PTPRM: variants seen among roughly 807,000 people sequenced by gnomAD.
PTPRM encodes protein tyrosine phosphatase receptor type M, also known as receptor-type tyrosine-protein phosphatase mu.
PTPRM carries 47 observed loss-of-function variants against 186.7 expected under a neutral mutation model. The observed-to-expected ratio is 0.25, with a 90% CI of 0.20 to 0.32. PTPRM has a LOEUF of 0.32. PTPRM is among the 10% of genes least tolerant of loss of function. PTPRM has a pLI of 1.00. For synonymous variants in PTPRM, 668 were observed against 674.9 expected, an observed-to-expected ratio of 0.99 and a Z score of 0.16; for missense variants, 1,494 against 1,865.0, an observed-to-expected ratio of 0.80 and a Z score of 3.66.
intron 1 of PTPRM, among the ~76,000 whole-genome samples, chr18:7,620,303 G>A (rs1468895372): frequency 1.3e-5 from 2 of 151,760 alleles, no homozygotes; most frequent in Non-Finnish European, 2.9e-5. Flanking sequence ...GCTTCTACCC[G>A]CTAAGTCTGT....
At chr18:7,738,917 G>A (rs1168097174) in intron 1 of PTPRM, among the ~76,000 whole-genome samples, 1 of 152,158 alleles carries the variant, frequency 6.6e-6, no homozygotes, top group Non-Finnish European at 1.5e-5. Context: ...TCAGAAAGCT[G>A]TAATGGATCA....
At chr18:8,105,081 G>A (rs992490227) in intron 11 of PTPRM, among the ~76,000 whole-genome samples, 1 of 152,132 alleles carries the variant, frequency 6.6e-6, no homozygotes, top group African/African-American at 2.4e-5. Flanking sequence ...AATTGTTTAG[G>A]GAAAGCAACT....
intron 1 of PTPRM, among the ~76,000 whole-genome samples, chr18:7,634,953 A>G (rs992437863): frequency 6.6e-6 from 1 of 152,222 alleles, no homozygotes; most frequent in Non-Finnish European, 1.5e-5. Flanking sequence ...GCAATGAATT[A>G]TTAATGTATC....
At chr18:8,051,939 A>G (rs976785545) in intron 7 of PTPRM, among the ~76,000 whole-genome samples, 1 of 152,106 alleles carries the variant, frequency 6.6e-6, no homozygotes, top group African/African-American at 2.4e-5. Context: ...ATCCATTTTC[A>G]TGTTTCTTTT....
intron 7 of PTPRM, among the ~76,000 whole-genome samples, chr18:8,038,631 A>G (rs1272538105): frequency 6.6e-6 from 1 of 151,978 alleles, no homozygotes; most frequent in Non-Finnish European, 1.5e-5. Context: ...GCCTGAAGTG[A>G]CTCACCCACC....
At chr18:7,829,525 AAACAT>A (rs1567881650) in intron 2 of PTPRM, among the ~76,000 whole-genome samples, 1 of 152,240 alleles carries the variant, frequency 6.6e-6, no homozygotes. Context: ...TAAACAAACA[AAACAT>A]AAGTTTGTGT....
At chr18:8,222,886 G>T (rs1194845540) in intron 14 of PTPRM, among the ~76,000 whole-genome samples, 1 of 151,254 alleles carries the variant, frequency 6.6e-6, no homozygotes, top group Non-Finnish European at 1.5e-5. Context: ...CCAGGAGTTC[G>T]AGACCAGCTT....
chr18:7,679,508 T>C (rs2039429149), intron 1 of PTPRM, among the ~76,000 whole-genome samples: 2 of 151,960 alleles, frequency 1.3e-5, no homozygotes, highest in Admixed American at 1.3e-4. Flanking sequence ...TTACTAAAGA[T>C]AAAGAAATTA....
chr18:8,143,907 G>A (rs140593439), intron 14 of PTPRM, 128 bp downstream of exon 14: 632 of 1,222,476 alleles, frequency 5.2e-4, no homozygotes, highest in Admixed American at 6.8e-4. Context: ...CTCTGTGATT[G>A]TTAACATTTT....
chr18:7,951,626 A>G (rs574243628), intron 6 of PTPRM, among the ~76,000 whole-genome samples: 1 of 152,266 alleles, frequency 6.6e-6, no homozygotes, highest in East Asian at 1.9e-4. Flanking sequence ...ACTTATTTCC[A>G]TTTCCGCACA....
chr18:8,255,202 G>C (rs1281281910), intron 19 of PTPRM, among the ~76,000 whole-genome samples: 3 of 152,166 alleles, frequency 2.0e-5, no homozygotes, highest in Admixed American at 2.0e-4. Flanking sequence ...CTAATGAATA[G>C]GGATGATGTC....
At chr18:8,342,696 A>T (rs991014663) in intron 22 of PTPRM, among the ~76,000 whole-genome samples, 10 of 152,168 alleles carry the variant, frequency 6.6e-5, no homozygotes, top group African/African-American at 1.9e-4. Flanking sequence ...GGGTTTTTTT[A>T]AAATCTGGAT....
intron 24 of PTPRM, chr18:8,371,683 G>T (rs1334408665): frequency 6.6e-6 from 1 of 152,624 alleles, no homozygotes; most frequent in Non-Finnish European, 1.5e-5. Context: ...CATGTGCATG[G>T]ATGGGGCTTC....
chr18:8,164,659 G>A (rs1423641266), intron 14 of PTPRM, among the ~76,000 whole-genome samples: 2 of 152,118 alleles, frequency 1.3e-5, no homozygotes, highest in African/African-American at 4.8e-5. Context: ...AATTCATAGA[G>A]ACAGAAAGTA....
chr18:8,238,340 G>C (rs530768383), intron 14 of PTPRM, among the ~76,000 whole-genome samples: 4 of 152,136 alleles, frequency 2.6e-5, no homozygotes, highest in Admixed American at 6.5e-5. Flanking sequence ...GGTTTTTACT[G>C]AGATAATCTT....
intron 1 of PTPRM, among the ~76,000 whole-genome samples, chr18:7,766,975 G>A (rs116966804): frequency 0.017 from 2,665 of 152,302 alleles, 17 homozygotes; most frequent in Non-Finnish European, 0.025. Flanking sequence ...CATGTTGAGT[G>A]AGATAAAAGT....
chr18:8,062,979 G>T (rs1296232203), intron 7 of PTPRM, among the ~76,000 whole-genome samples: 4 of 149,454 alleles, frequency 2.7e-5, no homozygotes, highest in Non-Finnish European at 4.4e-5. Flanking sequence ...GCTGTGGTGG[G>T]CTCCACCCAG....
chr18:7,875,826 G>A (rs895814852), intron 2 of PTPRM, among the ~76,000 whole-genome samples: 2 of 152,058 alleles, frequency 1.3e-5, no homozygotes, highest in South Asian at 2.1e-4. Flanking sequence ...GAAATGTATC[G>A]TCAGGCGATT....
intron 2 of PTPRM, among the ~76,000 whole-genome samples, chr18:7,821,627 A>T (rs1247475632): frequency 1.3e-5 from 2 of 152,310 alleles, no homozygotes; most frequent in African/African-American, 4.8e-5. Flanking sequence ...AGAGTTGAAC[A>T]ACAACAATAA....
Sources: allele counts gnomAD v4.1 joint callset (sites outside exome capture counted in the v4.1 genomes callset), GRCh38; gene constraint gnomAD v4.1.1; transcripts MANE v1.5; gene names NCBI Gene and HGNC (gene_info 2026-07-23, HGNC 2026-07-21).